STK24: variants seen among roughly 807,000 people sequenced by gnomAD.
STK24 encodes the protein serine/threonine kinase 24.
STK24 carries 21 observed loss-of-function variants against 55.6 expected under a neutral mutation model. That is an observed-to-expected ratio of 0.38 (90% CI 0.27 to 0.54). The LOEUF is 0.54. Among genes scored for constraint, STK24 ranks in the 20% least tolerant of loss-of-function variants. The probability of loss-of-function intolerance (pLI) is 0.79; values close to 1 mark genes in which losing one functional copy is unlikely to be tolerated. For missense variants in STK24, 383 were observed against 538.4 expected (o/e 0.71, Z 2.86); for synonymous variants, 200 against 215.2 (o/e 0.93, Z 0.62).
intron 2 of STK24, among the ~76,000 whole-genome samples, chr13:98,515,630 T>G (rs1896031323): frequency 6.6e-6 from 1 of 152,240 alleles, no homozygotes; most frequent in Non-Finnish European, 1.5e-5. Context: ...ACTTCATCAC[T>G]GCTACTGTCA....
intron 6 of STK24, 136 bp downstream of exon 6, chr13:98,466,240 A>T: frequency 1.3e-6 from 1 of 788,134 alleles, no homozygotes; most frequent in Non-Finnish European, 1.8e-6. Context: ...AGTCAATCAT[A>T]CTTACTTAGA....
intron 1 of STK24, chr13:98,542,741 A>AGCAGCCC: frequency 2.6e-6 from 2 of 757,518 alleles, no homozygotes; most frequent in Non-Finnish European, 3.2e-6. Context: ...CGGGAAGCAA[A>AGCAGCCC]GCAGCCCACA....
Position 98,519,373 on chromosome 13 carries a change from T to G in STK24, c.143A>C (p.Lys48Thr). The G allele has an allele frequency of 6.2e-7, 1 of 1,614,252 alleles. No homozygotes were observed. The highest frequency in any genetic ancestry group is 8.5e-7 in the Non-Finnish European group (1 of 1,180,034). ...VFKGIDNRTQ[K>T]VVAIKIIDLE... ...ATCAATGATCTTTATGGCAACCACT[T>G]TCTGAGTCCGATTGTCAATGCCTTT... Residue 48 changes from lysine (K) to threonine (T), a missense_variant, in exon 2 of 11, where the codon AAA (lysine) becomes ACA (threonine). By Grantham distance (78) the Lys-to-Thr change is moderately conservative (BLOSUM62 -1). Transcript: ENST00000539966.
rs1343531717 is a variant in STK24 at position 98,577,037 on chromosome 13, G to GCTGCTGCCGCTA, written c.-263_-252dup. 1 of 147,632 alleles carries GCTGCTGCCGCTA rather than the reference G, an allele frequency of 6.8e-6. No individual in the cohort carries two copies. The highest frequency in any genetic ancestry group is 1.5e-5 in the Non-Finnish European group (1 of 66,902). The allele number at this position is 147,632 out of a possible 1,614,324, so 9.1% of individuals were successfully genotyped here. On this transcript the variant is annotated 5_prime_UTR_variant, in exon 1 of 11. Transcript: ENST00000539966. This position sits in a 1 kb window ranked among gnomAD's most constrained non-coding sequence, Gnocchi z 4.1. ...CCTCGCGCGCACTGCCGCCGCCGCC[G>GCTGCTGCCGCTA]CTGCTGCCGCTACTGCTGGGCTGGA...
intron 2 of STK24, among the ~76,000 whole-genome samples, chr13:98,510,122 T>C (rs2139363456): frequency 6.6e-6 from 1 of 152,308 alleles, no homozygotes; most frequent in South Asian, 2.1e-4. Flanking sequence ...ACCAACCACA[T>C]TACCCCAGGA....
intron 2 of STK24, 68 bp from the exon 3 acceptor site, chr13:98,482,389 A>C (rs1894626057): frequency 1.1e-6 from 1 of 909,440 alleles, no homozygotes; most frequent in Admixed American, 2.4e-5. Flanking sequence ...TTAATAATCA[A>C]AGGGTATTTT....
chr13:98,471,298 G>GCTATTTTTTTC (rs1441783358), intron 5 of STK24, among the ~76,000 whole-genome samples: 48 of 152,278 alleles, frequency 3.2e-4, no homozygotes, highest in South Asian at 1.0e-3. Flanking sequence ...TTCCATCAAT[G>GCTATTTTTTTC]CATCACCAGT....
At chr13:98,543,039 C>CG (rs1398684553) in intron 1 of STK24, 14 of 985,154 alleles carry the variant, frequency 1.4e-5, no homozygotes, top group Non-Finnish European at 1.7e-5. Context: ...CTGAAGCCTC[C>CG]GGGGGCTTAC....
chr13:98,500,852 CAGG>C (rs1006182089), intron 2 of STK24, among the ~76,000 whole-genome samples: 6 of 152,082 alleles, frequency 3.9e-5, no homozygotes, highest in Non-Finnish European at 7.4e-5. Flanking sequence ...TCCAGAGACC[CAGG>C]AGAACACTGG....
chr13:98,528,778 G>A (rs1213268244), intron 1 of STK24, among the ~76,000 whole-genome samples: 1 of 152,158 alleles, frequency 6.6e-6, no homozygotes, highest in Admixed American at 6.5e-5. Context: ...CAACTACTCT[G>A]GTTGAAACCA....
chr13:98,568,334 G>A (rs9513450), intron 1 of STK24, among the ~76,000 whole-genome samples: 36,657 of 151,780 alleles, frequency 0.24, 5,095 homozygotes, highest in African/African-American at 0.38. Context: ...CTGGACCCCC[G>A]GCTCTCAGGA....
At chr13:98,460,525 G>A in intron 8 of STK24, 85 bp from the exon 9 acceptor site, 1 of 1,132,670 alleles carries the variant, frequency 8.8e-7, no homozygotes. Flanking sequence ...CCTGGACTAT[G>A]GAAGCGCAGG....
chr13:98,558,964 A>T lies in STK24; in HGVS notation c.42+17781T>A, dbSNP rs573216273. 2.5e-3 allele frequency among the ~76,000 whole-genome samples: 329 copies of T among 133,708 alleles called. 3 individuals are homozygous for T. The highest frequency in any genetic ancestry group is 8.5e-3 in the African/African-American group (311 of 36,456). 87.7% of individuals were successfully genotyped at this position (133,708 alleles called of 152,430 possible). Reference sequence around the variant, plus strand: ...CGGATCACCTGAGGTTGGGGGTTCGAGACCAGCCTGACCAACGTGGAGAAA... The same window carrying T: ...CGGATCACCTGAGGTTGGGGGTTCGTGACCAGCCTGACCAACGTGGAGAAA... On this transcript the variant is annotated intron_variant, in intron 1 of 10. Coordinates refer to ENST00000539966, the MANE Select transcript of STK24 (RefSeq NM_001032296.4).
intron 5 of STK24, among the ~76,000 whole-genome samples, chr13:98,468,935 C>T (rs564767107): frequency 8.8e-4 from 134 of 152,200 alleles, no homozygotes; most frequent in Non-Finnish European, 1.7e-3. Context: ...GACGGATGCA[C>T]CTCCAGACCT....
At chr13:98,552,053 C>T (rs1275862217) in intron 1 of STK24, among the ~76,000 whole-genome samples, 1 of 152,142 alleles carries the variant, frequency 6.6e-6, no homozygotes, top group Non-Finnish European at 1.5e-5. Flanking sequence ...AGTGAACAAT[C>T]CTTTGCAGTT....
At chr13:98,538,468 T>TC (rs1307623118) in intron 1 of STK24, among the ~76,000 whole-genome samples, 2 of 151,794 alleles carry the variant, frequency 1.3e-5, no homozygotes, top group Non-Finnish European at 2.9e-5. Context: ...CAGGTGATCC[T>TC]CCCGCCTTGG....
At chr13:98,517,549 G>A (rs1896108920) in intron 2 of STK24, among the ~76,000 whole-genome samples, 1 of 152,166 alleles carries the variant, frequency 6.6e-6, no homozygotes, top group African/African-American at 2.4e-5. Context: ...AAAATCGCTT[G>A]AACCCGGGAG....
intron 2 of STK24, among the ~76,000 whole-genome samples, chr13:98,483,690 T>C (rs1894692913): frequency 6.6e-6 from 1 of 152,234 alleles, no homozygotes; most frequent in African/African-American, 2.4e-5. Flanking sequence ...TTTACTTCTC[T>C]GCATTTTCCA....
At chr13:98,575,430 T>C (rs61971226) in intron 1 of STK24, among the ~76,000 whole-genome samples, 286 of 126,796 alleles carry the variant, frequency 2.3e-3, no homozygotes, top group African/African-American at 7.2e-3. Context: ...CACACACACA[T>C]ATACACACAC....
Sources: allele counts gnomAD v4.1 joint callset (sites outside exome capture counted in the v4.1 genomes callset), GRCh38; gene constraint gnomAD v4.1.1; non-coding constraint Gnocchi (gnomAD v3.1); transcripts MANE v1.5; gene names NCBI Gene and HGNC (gene_info 2026-07-23, HGNC 2026-07-21).